Variants in MFN2 observed in about 807,000 individuals in gnomAD.
The protein encoded by MFN2 is mitofusin-2.
In MFN2, 43 loss-of-function variants were observed where a neutral mutation model predicts 87.5. The ratio of observed to expected loss-of-function variants is 0.49; its 90% confidence interval spans 0.38 to 0.63. MFN2 has a LOEUF of 0.63. MFN2 is among the 30% of genes least tolerant of loss of function. The pLI is 0.00. For synonymous variants in MFN2, 337 were observed against 359.9 expected (o/e 0.94, Z 0.72); for missense variants, 743 against 972.8 (o/e 0.76, Z 3.14).
chr1:11,997,487 T>C, intron 6 of MFN2, 66 bp downstream of exon 6: 1 of 1,607,580 alleles, frequency 6.2e-7, no homozygotes, highest in Non-Finnish European at 8.5e-7. Flanking sequence ...TTCTGGATAA[T>C]CTAGGCCAGG....
At position 12,009,740 on chromosome 1, in the gene MFN2, G is replaced by A. The variant is rs757577429; in HGVS notation, c.2204+14G>A. 20 of 1,613,990 alleles carry A rather than the reference G, an allele frequency of 1.2e-5. No homozygotes were observed. The highest frequency in any genetic ancestry group is 5.0e-5 in the Admixed American group (3 of 60,006). On this transcript the variant is annotated intron_variant, in intron 18 of 18. Coordinates refer to ENST00000235329, the MANE Select transcript of MFN2 (RefSeq NM_014874.4). ...AAAGCTGCTCAGGTGAGGCTGGCCC[G>A]TGTGGCCAAAGGTTAGGGCTCCAGG...
intron 4 of MFN2, among the ~76,000 whole-genome samples, chr1:11,992,979 T>TTTTTA (rs60603721): frequency 3.3e-5 from 5 of 151,050 alleles, no homozygotes; most frequent in East Asian, 1.9e-4. Context: ...TTTTTTTTTT[T>TTTTTA]ATTTTCTAAT....
chr1:12,008,787 C>T (rs1279703849), intron 17 of MFN2, among the ~76,000 whole-genome samples: 1 of 152,196 alleles, frequency 6.6e-6, no homozygotes, highest in Admixed American at 6.5e-5. Flanking sequence ...AGAGACGCTC[C>T]TCACTTCTCA....
chr1:12,008,863 G>C (rs937156793), intron 17 of MFN2, among the ~76,000 whole-genome samples: 1 of 152,248 alleles, frequency 6.6e-6, no homozygotes, highest in Non-Finnish European at 1.5e-5. Context: ...AGGCGGCTGG[G>C]AGGTGGAGGT....
At chr1:11,993,549 C>T (rs1193536219) in intron 4 of MFN2, among the ~76,000 whole-genome samples, 1 of 152,050 alleles carries the variant, frequency 6.6e-6, no homozygotes, top group African/African-American at 2.4e-5. Context: ...TCCTGTCTAA[C>T]ACAGTGAAAC....
chr1:11,983,532 G>A (rs150159049), intron 2 of MFN2, among the ~76,000 whole-genome samples: 2 of 152,328 alleles, frequency 1.3e-5, no homozygotes, highest in East Asian at 1.9e-4. Context: ...AGCTTGAAGT[G>A]TGACGCTTAG....
chr1:11,982,656 C>G (rs1449603464), intron 2 of MFN2: 1 of 152,164 alleles, frequency 6.6e-6, no homozygotes, highest in African/African-American at 2.4e-5. Context: ...GTGAATTTTG[C>G]TACTGCTGTC....
chr1:11,984,398 T>G (rs922503366), intron 2 of MFN2, among the ~76,000 whole-genome samples: 2 of 152,210 alleles, frequency 1.3e-5, no homozygotes, highest in African/African-American at 4.8e-5. Flanking sequence ...TGGTAGAGTT[T>G]GTTGTTATTG....
At chr1:12,006,843 T>G (rs1639445226) in intron 16 of MFN2, 150 bp downstream of exon 16, 2 of 1,344,338 alleles carry the variant, frequency 1.5e-6, no homozygotes, top group Non-Finnish European at 2.1e-6. Context: ...GAGCGCTTAC[T>G]CCCTCACCAA....
intron 4 of MFN2, among the ~76,000 whole-genome samples, chr1:11,994,584 C>T (rs149719117): frequency 0.023 from 3,505 of 150,868 alleles, 126 homozygotes; most frequent in African/African-American, 0.08. Flanking sequence ...AGTGAGACTC[C>T]GTCTCAAAAA....
intron 17 of MFN2, among the ~76,000 whole-genome samples, chr1:12,008,648 G>A (rs962660033): frequency 1.6e-4 from 25 of 152,212 alleles, no homozygotes; most frequent in Non-Finnish European, 2.9e-4. Context: ...CATCCCAGAC[G>A]GGGTGGTGGG....
At chr1:12,001,869 T>A in intron 10 of MFN2, 33 bp downstream of exon 10, 1 of 1,613,764 alleles carries the variant, frequency 6.2e-7, no homozygotes, top group East Asian at 2.2e-5. Context: ...CTGGCGATTC[T>A]GTGCCTCCCC....
Position 11,996,249 on chromosome 1 carries a change from G to A in MFN2, c.405G>A (p.Arg135=), listed in dbSNP as rs1233331682. 1.2e-6 allele frequency: 2 copies of A among 1,614,108 alleles called. No individual in the cohort carries two copies. The highest frequency in any genetic ancestry group is 1.3e-5 in the African/African-American group (1 of 74,944). ...GCCACACCACCAATTGCTTCCTGCG[G>A]GTAGAGGGCACAGATGGCCATGAGG... is the stretch of plus-strand genomic sequence containing the variant. ...GIGHTTNCFL[R]VEGTDGHEAF... The change falls in exon 5 of 19, where the codon CGG becomes CGA. Residue 135 remains arginine (R), a synonymous_variant. Transcript: ENST00000235329.
chr1:12,006,816 C>A, intron 16 of MFN2, 123 bp downstream of exon 16: 1 of 1,433,028 alleles, frequency 7.0e-7, no homozygotes, highest in Non-Finnish European at 9.7e-7. Flanking sequence ...ATACTTTCTC[C>A]TCTGTGATTG....
At position 12,004,946 on chromosome 1, in the gene MFN2, C is replaced by T; in HGVS notation, c.1495+19C>T. On this transcript the variant is annotated intron_variant, in intron 14 of 18. Coordinates refer to ENST00000235329, the MANE Select transcript of MFN2 (RefSeq NM_014874.4). The surrounding 1 kb of genome is among the most constrained non-coding windows in gnomAD (Gnocchi z 4.2). ...ATGATAGGTTAGTGCCCATGGGGAA[C>T]TGGGCAGCTGTGGCCCTGGGCTGCC... 5.0e-6 allele frequency: 8 copies of T among 1,584,170 alleles called. No individual in the cohort carries two copies. The highest frequency in any genetic ancestry group is 1.4e-5 in the African/African-American group (1 of 74,070).
intron 1 of MFN2, among the ~76,000 whole-genome samples, chr1:11,981,537 C>A (rs949181326): frequency 1.3e-5 from 2 of 152,212 alleles, no homozygotes; most frequent in East Asian, 3.8e-4. Flanking sequence ...GTATTCCAGC[C>A]CTCTGTCCCA....
rs551549595 is a variant in MFN2 at position 12,007,267 on chromosome 1, A to G, written c.2069+18A>G. 212 of 1,612,110 alleles carry G rather than the reference A, an allele frequency of 1.3e-4. 3 individuals carry two copies. In the South Asian group the frequency reaches 2.2e-3, roughly 17 times the overall value. ...GTCCAGCAGTGAGTGGCCCTGTCGG[A>G]CCCCAGCAGGGGACTTCCTTTAGGC... On this transcript the variant is annotated intron_variant, in intron 17 of 18. Coordinates refer to ENST00000235329, the MANE Select transcript of MFN2 (RefSeq NM_014874.4).
chr1:11,993,733 CAAAA>C (rs34578450), intron 4 of MFN2, among the ~76,000 whole-genome samples: 9 of 123,502 alleles, frequency 7.3e-5, no homozygotes, highest in Admixed American at 3.4e-4. Flanking sequence ...GACTCCATCT[CAAAA>C]AAAAAAAAAA....
In MFN2 at chr1:12,004,399, G is replaced by A. The variant is rs2100848308; in HGVS notation, c.1288-110G>A. On this transcript the variant is annotated intron_variant, in intron 12 of 18. Transcript: ENST00000235329. This position sits in a 1 kb window ranked among gnomAD's most constrained non-coding sequence, Gnocchi z 4.2. ...TTAATTCCATAGAGGAGCTGAGGAGGCTGCTGGTTTGAGAGGAAGGATGTG... is the reference window on the plus strand; with the variant it reads ...TTAATTCCATAGAGGAGCTGAGGAGACTGCTGGTTTGAGAGGAAGGATGTG... 5.8e-6 allele frequency: 6 copies of A among 1,034,520 alleles called. No homozygotes were observed. The highest frequency in any genetic ancestry group is 2.1e-4 in the Middle Eastern group (1 of 4,848). The allele number at this position is 1,034,520 out of a possible 1,614,324, so 64.1% of individuals were successfully genotyped here.
Sources: allele counts gnomAD v4.1 joint callset (sites outside exome capture counted in the v4.1 genomes callset), GRCh38; gene constraint gnomAD v4.1.1; non-coding constraint Gnocchi (gnomAD v3.1); transcripts MANE v1.5; gene names NCBI Gene and HGNC (gene_info 2026-07-23, HGNC 2026-07-21).